Variants in SEMA7A observed in about 807,000 individuals in gnomAD.
SEMA7A encodes the protein semaphorin-7A.
Under a neutral mutation model 67.5 loss-of-function variants are expected in SEMA7A, and 21 were observed. That is an observed-to-expected ratio of 0.31 (90% CI 0.22 to 0.45). The LOEUF (loss-of-function observed/expected upper bound fraction) is 0.45. Ranked by LOEUF, SEMA7A falls within the 20% of genes least tolerant of loss-of-function variation. The pLI is 1.00. For synonymous variants in SEMA7A, 364 were observed against 368.5 expected (o/e 0.99, Z 0.14); for missense variants, 774 against 908.6 (o/e 0.85, Z 1.90).
chr15:74,430,719 G>T (rs1034761368), intron 1 of SEMA7A, among the ~76,000 whole-genome samples: 2 of 152,216 alleles, frequency 1.3e-5, no homozygotes, highest in African/African-American at 4.8e-5. Flanking sequence ...AGACTCTGTG[G>T]AGGGAGTTCA....
chr15:74,413,365 A>G (rs2060918199), intron 10 of SEMA7A, among the ~76,000 whole-genome samples: 1 of 152,234 alleles, frequency 6.6e-6, no homozygotes, highest in Non-Finnish European at 1.5e-5. Context: ...CGAATGATGC[A>G]GGCTCCAAAA....
Position 74,424,929 on chromosome 15 carries a change from T to C in SEMA7A, c.179-5977A>G, listed in dbSNP as rs766887059. Among the ~76,000 whole-genome samples the C allele has an allele frequency of 4.6e-5, 7 of 152,214 alleles. No individual in the cohort carries two copies. In the South Asian group the frequency reaches 8.3e-4, roughly 18 times the overall value. ...AAGGGTAGCGGTGCAGGGCCTGCCC[T>C]TGGGCCCACAGCCAGGGCAGGGGTC... On this transcript the variant is annotated intron_variant, in intron 1 of 13. Coordinates refer to ENST00000261918, the MANE Select transcript of SEMA7A (RefSeq NM_003612.5).
At chr15:74,432,519 C>T (rs2061097070) in intron 1 of SEMA7A, among the ~76,000 whole-genome samples, 1 of 152,246 alleles carries the variant, frequency 6.6e-6, no homozygotes, top group South Asian at 2.1e-4. Context: ...TGCACCTGGG[C>T]TCCCACACTG....
chr15:74,410,657 C>T lies in SEMA7A; in HGVS notation c.1968G>A (p.Leu656=). 1 of 1,603,508 alleles carries T rather than the reference C, an allele frequency of 6.2e-7. No individual in the cohort carries two copies. The highest frequency in any genetic ancestry group is 8.5e-7 in the Non-Finnish European group (1 of 1,173,472). ...CCAGCAAGCCAAGAGTGAGTGTGGG[C>T]AGCACCCCCAGCCAGAGGGAGGCGG... ...ALAASLWLGV[L]PTLTLGLLVH is the part of the protein sequence containing the mutation. Residue 656 remains leucine (L), a synonymous_variant, in exon 14 of 14, where the codon CTG becomes CTA. Transcript: ENST00000261918. The surrounding 1 kb of genome is among the most constrained non-coding windows in gnomAD (Gnocchi z 7.5).
chr15:74,419,049 G>A, intron 1 of SEMA7A, 97 bp from the exon 2 acceptor site: 5 of 1,399,930 alleles, frequency 3.6e-6, no homozygotes, highest in Non-Finnish European at 3.9e-6. Context: ...AGTGCTTGGT[G>A]CTCAGGGTCC....
At position 74,417,370 on chromosome 15, in the gene SEMA7A, TC is replaced by T; in HGVS notation, c.625del (p.Glu209ArgfsTer77). On this transcript the variant is annotated frameshift_variant, in exon 6 of 14. Coordinates refer to ENST00000261918, the MANE Select transcript of SEMA7A (RefSeq NM_003612.5). LOFTEE classifies it high-confidence loss of function. The part of the protein sequence containing the change: ...KIPRFRRIRG[E>X]SELYTSDTVM... ...AGTATCACTGGTGTACAGCTCACTC[TC>T]GCCCCGGATGCGGCGGAACCGAGGG... 1 of 1,613,968 alleles carries T rather than the reference TC, an allele frequency of 6.2e-7. No individual in the cohort carries two copies. Among genetic ancestry groups the T allele is most frequent in the Non-Finnish European group, 8.5e-7 (1 of 1,179,996 alleles).
In SEMA7A at chr15:74,411,273, C is replaced by A; in HGVS notation, c.1639+22G>T. On this transcript the variant is annotated intron_variant, in intron 13 of 13. Coordinates refer to ENST00000261918, the MANE Select transcript of SEMA7A (RefSeq NM_003612.5). This position sits in a 1 kb window ranked among gnomAD's most constrained non-coding sequence, Gnocchi z 4.4. Reference sequence around the variant, plus strand: ...TACCCCACTCATTGGGCCACAGCCGCCAGCAGGGCCAGATCAGGTACCTGG... The same window carrying A: ...TACCCCACTCATTGGGCCACAGCCGACAGCAGGGCCAGATCAGGTACCTGG... 6.2e-7 allele frequency: 1 copy of A among 1,611,960 alleles called. No individual in the cohort carries two copies. Among genetic ancestry groups the A allele is most frequent in the Non-Finnish European group, 8.5e-7 (1 of 1,178,718 alleles).
rs950533082 is a variant in SEMA7A at position 74,433,814 on chromosome 15, C to G, written c.105G>C (p.Leu35=). The G allele has an allele frequency of 1.9e-5, 27 of 1,385,114 alleles. No individual in the cohort carries two copies. Among genetic ancestry groups the G allele is most frequent in the East Asian group, 3.1e-5 (1 of 32,522 alleles). The allele number at this position is 1,385,114 out of a possible 1,614,324, so 85.8% of individuals were successfully genotyped here. ...CGGAGGCGGCGGCCGCCCAGAGCAG[C>G]AGCAGCAGCCGCAGCCGCAGCGGAA... The part of the protein sequence containing the change: ...LGLPLRLRLL[L]LLWAAAASAQ... The change falls in exon 1 of 14, where the codon CTG becomes CTC. Residue 35 remains leucine, a synonymous_variant. Transcript: ENST00000261918.
At chr15:74,422,626 G>A (rs776479730) in intron 1 of SEMA7A, among the ~76,000 whole-genome samples, 2 of 152,226 alleles carry the variant, frequency 1.3e-5, no homozygotes, top group South Asian at 4.1e-4. Flanking sequence ...AGGGCTGCAA[G>A]GATGGCTGGG....
In SEMA7A at chr15:74,411,819, C is replaced by T; in HGVS notation, c.1422+66G>A. On this transcript the variant is annotated intron_variant, in intron 11 of 13. Transcript: ENST00000261918. The surrounding 1 kb of genome is among the most constrained non-coding windows in gnomAD (Gnocchi z 4.4). ...CTTAAAAGAACACACAAATCACATG[C>T]AAAGGAGCCCTGTCCTCAGCTGCAG... is the stretch of plus-strand genomic sequence containing the variant. 1 of 1,604,858 alleles carries T rather than the reference C, an allele frequency of 6.2e-7. No individual in the cohort carries two copies. The highest frequency in any genetic ancestry group is 8.5e-7 in the Non-Finnish European group (1 of 1,175,970).
At position 74,414,974 on chromosome 15, in the gene SEMA7A, G is replaced by T; in HGVS notation, c.987-28C>A. On this transcript the variant is annotated intron_variant, in intron 8 of 13. Coordinates refer to ENST00000261918, the MANE Select transcript of SEMA7A (RefSeq NM_003612.5). The surrounding 1 kb of genome is among the most constrained non-coding windows in gnomAD (Gnocchi z 4.1). ...GCAGTGACATGGAGACCAGCTCAAT[G>T]GGGGGCCCAGAACCCACCCATCCAC... is the stretch of plus-strand genomic sequence containing the variant. The T allele has an allele frequency of 6.3e-7, 1 of 1,591,520 alleles. No homozygotes were observed. Among genetic ancestry groups the T allele is most frequent in the South Asian group, 1.1e-5 (1 of 90,130 alleles).
chr15:74,433,911 G>A lies in SEMA7A; in HGVS notation c.8C>T (p.Pro3Leu), dbSNP rs2061117278. 4 of 1,249,616 alleles carry A rather than the reference G, an allele frequency of 3.2e-6. No homozygotes were observed. The highest frequency in any genetic ancestry group is 1.6e-5 in the African/African-American group (1 of 64,138). The allele number at this position is 1,249,616 out of a possible 1,614,324, so 77.4% of individuals were successfully genotyped here. A position where few individuals can be genotyped will look rare whatever the true frequency, so the allele number is the denominator to read the frequency against. MT[P>L]PPPGRAAPSA... ...GGGGGCGGCACGTCCGGGCGGAGGA[G>A]GCGTCATCCCGTGGCCCCGGGAGCG... Residue 3 changes from proline to leucine, a missense_variant, in exon 1 of 14, where the codon CCT (proline) becomes CTT (leucine). Coordinates refer to ENST00000261918, the MANE Select transcript of SEMA7A (RefSeq NM_003612.5).
At chr15:74,422,249 C>T (rs187275137) in intron 1 of SEMA7A, among the ~76,000 whole-genome samples, 3 of 152,134 alleles carry the variant, frequency 2.0e-5, no homozygotes, top group Admixed American at 2.0e-4. Context: ...CCTCTGGCGT[C>T]CCCCACCTCC....
At chr15:74,433,552 G>A (rs1342726558) in intron 1 of SEMA7A, 189 bp downstream of exon 1, 1 of 1,215,204 alleles carries the variant, frequency 8.2e-7, no homozygotes, top group Non-Finnish European at 1.0e-6. Flanking sequence ...GTTACAGCCG[G>A]CTCTGGTGTG....
At position 74,427,116 on chromosome 15, in the gene SEMA7A, T is replaced by C. The variant is rs572594659; in HGVS notation, c.178+6625A>G. On this transcript the variant is annotated intron_variant, in intron 1 of 13. Transcript: ENST00000261918. ...AGCTAAATCCCTTGGATCCAGGAAG[T>C]ATTCCAGACTGCTCCAGCCCTCACT... The C allele has an allele frequency of 1.1e-4, 66 of 579,342 alleles. No homozygotes were observed. The African/African-American group carries it at 1.2e-3, about 11-fold the overall frequency. The allele number at this position is 579,342 out of a possible 1,614,324, so 35.9% of individuals were successfully genotyped here.
chr15:74,415,884 G>T lies in SEMA7A; in HGVS notation c.903C>A (p.Asn301Lys). The T allele has an allele frequency of 6.2e-7, 1 of 1,614,148 alleles. No individual in the cohort carries two copies. Among genetic ancestry groups the T allele is most frequent in the Non-Finnish European group, 8.5e-7 (1 of 1,179,998 alleles). The stretch of plus-strand genomic sequence containing the variant: ...GGAGCAGGAAGACGTCTTGCAGCCT[G>T]TTGAAGTTCTTGTTGGTGGCAGCAT... Reference protein sequence around the residue: ...CSDAATNKNFNRLQDVFLLPD... With the variant: ...CSDAATNKNFKRLQDVFLLPD... The change falls in exon 8 of 14, where the codon AAC (asparagine) becomes AAA (lysine). Residue 301 changes from asparagine (N) to lysine (K), a missense_variant. By Grantham distance (94) the Asn-to-Lys change is moderately conservative (BLOSUM62 0). This residue lies in a region of SEMA7A where 427 missense variants were observed against 555.4 expected (regional missense o/e 0.77). Coordinates refer to ENST00000261918, the MANE Select transcript of SEMA7A (RefSeq NM_003612.5).
Position 74,411,734 on chromosome 15 carries a change from C to T in SEMA7A, c.1423-24G>A. 6.2e-7 allele frequency: 1 copy of T among 1,610,634 alleles called. No individual in the cohort carries two copies. The highest frequency in any genetic ancestry group is 8.5e-7 in the Non-Finnish European group (1 of 1,179,580). On this transcript the variant is annotated intron_variant, in intron 11 of 13. Coordinates refer to ENST00000261918, the MANE Select transcript of SEMA7A (RefSeq NM_003612.5). The surrounding 1 kb of genome is among the most constrained non-coding windows in gnomAD (Gnocchi z 4.4). Reference sequence around the variant, plus strand: ...CTCTGGAAGGACAGCAGGATTGGGTCAGGCCCGGGCCCCACCCCACACTCA... The same window carrying T: ...CTCTGGAAGGACAGCAGGATTGGGTTAGGCCCGGGCCCCACCCCACACTCA...
intron 1 of SEMA7A, among the ~76,000 whole-genome samples, chr15:74,430,809 G>A (rs906057299): frequency 1.3e-5 from 2 of 152,224 alleles, no homozygotes; most frequent in African/African-American, 4.8e-5. Flanking sequence ...GGAAGCCCCA[G>A]ATGTGACCTC....
At chr15:74,433,052 G>C (rs970518723) in intron 1 of SEMA7A, among the ~76,000 whole-genome samples, 25 of 152,194 alleles carry the variant, frequency 1.6e-4, no homozygotes, top group African/African-American at 5.8e-4. Flanking sequence ...CCCCAACGCT[G>C]GAGCCGATTT....
Sources: allele counts gnomAD v4.1 joint callset (sites outside exome capture counted in the v4.1 genomes callset), GRCh38; gene constraint gnomAD v4.1.1; regional missense constraint gnomAD v4.1.1; non-coding constraint Gnocchi (gnomAD v3.1); transcripts MANE v1.5; gene names NCBI Gene and HGNC (gene_info 2026-07-23, HGNC 2026-07-21).